The following ULK4 variants were observed in gnomAD, a reference collection of about 807,000 sequenced individuals.
ULK4 encodes the protein unc-51 like kinase 4, also known as inactive serine/threonine-protein kinase ULK4.
ULK4 carries 133 observed loss-of-function variants against 160.6 expected under a neutral mutation model. The observed-to-expected ratio is 0.83, with a 90% CI of 0.72 to 0.96. The LOEUF (loss-of-function observed/expected upper bound fraction) is 0.96, where lower values mean the gene tolerates loss of function less well. Among genes scored for constraint, ULK4 ranks in the 40% least tolerant of loss-of-function variants. The probability of loss-of-function intolerance (pLI) is 0.00; values close to 1 mark genes in which losing one functional copy is unlikely to be tolerated. For missense variants in ULK4, 1,580 were observed against 1,499.5 expected (o/e 1.05, Z -0.89); for synonymous variants, 534 against 539.8 (o/e 0.99, Z 0.15).
At chr3:41,703,314 A>T (rs2036748370) in intron 27 of ULK4, among the ~76,000 whole-genome samples, 1 of 152,166 alleles carries the variant, frequency 6.6e-6, no homozygotes, top group South Asian at 2.1e-4. Context: ...GATGAATTTC[A>T]ACATATTAAA....
At chr3:41,317,564 AGAG>A (rs1156464918) in intron 35 of ULK4, among the ~76,000 whole-genome samples, 1 of 152,202 alleles carries the variant, frequency 6.6e-6, no homozygotes, top group Non-Finnish European at 1.5e-5. Context: ...CTATGAAAGA[AGAG>A]GAGATGACCC....
intron 34 of ULK4, among the ~76,000 whole-genome samples, chr3:41,444,968 A>G (rs1405760364): frequency 6.6e-6 from 1 of 152,156 alleles, no homozygotes; most frequent in African/African-American, 2.4e-5. Flanking sequence ...GTATATCTAG[A>G]AAACCCCATT....
chr3:41,569,472 T>C (rs1349718355), intron 31 of ULK4, among the ~76,000 whole-genome samples: 2 of 152,048 alleles, frequency 1.3e-5, no homozygotes, highest in East Asian at 1.9e-4. Context: ...ATCAAATACA[T>C]ACTTCACAGT....
At chr3:41,707,995 C>A (rs956651898) in intron 25 of ULK4, among the ~76,000 whole-genome samples, 3 of 150,980 alleles carry the variant, frequency 2.0e-5, no homozygotes, top group African/African-American at 7.3e-5. Context: ...TGGCTATTAT[C>A]AAAAAGATAA....
chr3:41,827,683 G>A (rs150487638), intron 18 of ULK4, among the ~76,000 whole-genome samples: 1,942 of 152,240 alleles, frequency 0.013, 33 homozygotes, highest in African/African-American at 0.044. Context: ...AAAAAGTTCA[G>A]GACTAGATGG....
intron 17 of ULK4, among the ~76,000 whole-genome samples, chr3:41,867,972 G>A (rs889730722): frequency 4.6e-5 from 7 of 151,992 alleles, no homozygotes; most frequent in Admixed American, 4.6e-4. Context: ...ATTCCATCAT[G>A]GTCAGAGAAC....
intron 35 of ULK4, among the ~76,000 whole-genome samples, chr3:41,389,036 C>A (rs1018352447): frequency 1.3e-4 from 19 of 151,928 alleles, no homozygotes; most frequent in Middle Eastern, 3.4e-3. Flanking sequence ...TTCTTTGTAT[C>A]CTCTTTTATT....
chr3:41,894,961 T>G (rs1262007477), intron 16 of ULK4, among the ~76,000 whole-genome samples: 3 of 152,222 alleles, frequency 2.0e-5, no homozygotes, highest in Non-Finnish European at 4.4e-5. Flanking sequence ...ATCGGGAGTT[T>G]ATAAATCATA....
At chr3:41,340,869 T>C (rs1013612985) in intron 35 of ULK4, among the ~76,000 whole-genome samples, 2 of 152,232 alleles carry the variant, frequency 1.3e-5, no homozygotes, top group Non-Finnish European at 2.9e-5. Context: ...TTCTCTGACA[T>C]TCTGTGGGAA....
At chr3:41,877,195 G>C (rs1206169848) in intron 17 of ULK4, among the ~76,000 whole-genome samples, 2 of 152,084 alleles carry the variant, frequency 1.3e-5, no homozygotes, top group Non-Finnish European at 2.9e-5. Flanking sequence ...ATATCATCCA[G>C]TGGGTTATAT....
At chr3:41,756,456 A>C (rs1176046281) in intron 21 of ULK4, among the ~76,000 whole-genome samples, 1 of 152,198 alleles carries the variant, frequency 6.6e-6, no homozygotes, top group Non-Finnish European at 1.5e-5. Context: ...CTGGCTTTTC[A>C]TTATCTTCCC....
chr3:41,710,721 G>A (rs1253675376), intron 25 of ULK4, among the ~76,000 whole-genome samples: 1 of 150,888 alleles, frequency 6.6e-6, no homozygotes, highest in Non-Finnish European at 1.5e-5. Flanking sequence ...TGGAACCCAC[G>A]AAACAGAGGT....
intron 21 of ULK4, among the ~76,000 whole-genome samples, chr3:41,776,427 G>C (rs1156547167): frequency 6.7e-6 from 1 of 148,924 alleles, no homozygotes; most frequent in East Asian, 1.9e-4. Flanking sequence ...TTAGTCTTAT[G>C]TCAGAAAAAA....
chr3:41,706,141 T>C (rs1359779204), intron 25 of ULK4, among the ~76,000 whole-genome samples: 1 of 151,900 alleles, frequency 6.6e-6, no homozygotes, highest in Non-Finnish European at 1.5e-5. Flanking sequence ...CTCCCATTGC[T>C]GTTTGAGAGG....
intron 32 of ULK4, among the ~76,000 whole-genome samples, chr3:41,559,514 T>G (rs1013474943): frequency 7.8e-6 from 1 of 128,462 alleles, no homozygotes; most frequent in Non-Finnish European, 1.8e-5. Context: ...TGTTCCTATT[T>G]CTCCACATCC....
chr3:41,524,158 CTTCT>C (rs2086030040), intron 32 of ULK4, among the ~76,000 whole-genome samples: 1 of 152,144 alleles, frequency 6.6e-6, no homozygotes, highest in Non-Finnish European at 1.5e-5. Flanking sequence ...ATGAGCAGAG[CTTCT>C]TTCTGAGGTG....
At chr3:41,348,206 CAAAAAAAAAAAAAAA>C (rs1197234650) in intron 35 of ULK4, among the ~76,000 whole-genome samples, 2 of 22,958 alleles carry the variant, frequency 8.7e-5, no homozygotes, top group Non-Finnish European at 1.7e-4. Context: ...AACTCTGTCT[CAAAAAAAAAAAAAAA>C]AAAAAAAAAA....
chr3:41,961,286 C>A (rs1700657106), intron 1 of ULK4, among the ~76,000 whole-genome samples: 1 of 152,190 alleles, frequency 6.6e-6, no homozygotes, highest in African/African-American at 2.4e-5. Flanking sequence ...GCATGAGCAT[C>A]ACCTGGGACT....
chr3:41,481,493 C>G (rs1349686151), intron 32 of ULK4, among the ~76,000 whole-genome samples: 1 of 152,138 alleles, frequency 6.6e-6, no homozygotes, highest in Non-Finnish European at 1.5e-5. Flanking sequence ...CTAAACAGAC[C>G]TAGACTTAGG....
Sources: gnomAD v4.1 joint callset for allele counts (sites outside exome capture counted in the v4.1 genomes callset) on GRCh38, gnomAD v4.1.1 for gene constraint, MANE v1.5 for transcripts, NCBI Gene and HGNC (gene_info 2026-07-23, HGNC 2026-07-21) for gene names.